FRY: variants seen among roughly 807,000 people sequenced by gnomAD.
The protein encoded by FRY is protein furry homolog.
A neutral mutation model predicts 348.4 loss-of-function variants in FRY; 128 were observed. The observed-to-expected ratio is 0.37, with a 90% confidence interval of 0.32 to 0.43. FRY has a LOEUF of 0.43. Among genes scored for constraint, FRY ranks in the 20% least tolerant of loss-of-function variants. The probability of loss-of-function intolerance (pLI) is 1.00; values close to 1 mark genes in which losing one functional copy is unlikely to be tolerated. For missense variants in FRY, 2,736 were observed against 3,695.2 expected, an observed-to-expected ratio of 0.74 and a Z score of 6.73; for synonymous variants, 1,370 against 1,374.7, an observed-to-expected ratio of 1.00 and a Z score of 0.08.
In FRY at chr13:32,239,753, CAT is replaced by C. The variant is rs1163228820; in HGVS notation, c.6560_6561del (p.His2187ArgfsTer6). ...GAACCCCAAACTTTCAAATCTTGCA[CAT>C]GTCATGACTCTTTATAAAACGCACA... The part of the protein sequence containing the change: ...EKNPKLSNLA[H>X]VMTLYKTHSY... On this transcript the variant is annotated frameshift_variant, in exon 46 of 61. Coordinates refer to ENST00000542859, the MANE Select transcript of FRY (RefSeq NM_023037.3). LOFTEE classifies it high-confidence loss of function. The surrounding 1 kb of genome is among the most constrained non-coding windows in gnomAD (Gnocchi z 4.3). 3.7e-6 allele frequency: 6 copies of C among 1,613,824 alleles called. No homozygotes were observed. Among genetic ancestry groups the C allele is most frequent in the South Asian group, 1.1e-5 (1 of 91,066 alleles).
At chr13:32,166,199 C>T (rs1881725731) in intron 17 of FRY, among the ~76,000 whole-genome samples, 2 of 152,210 alleles carry the variant, frequency 1.3e-5, no homozygotes, top group African/African-American at 4.8e-5. Context: ...CTTAGTTCCC[C>T]AAGCTAGCCA....
At position 32,155,788 on chromosome 13, in the gene FRY, A is replaced by G. The variant is rs185033478; in HGVS notation, c.1651+126A>G. 9.3e-6 allele frequency: 6 copies of G among 647,114 alleles called. No individual in the cohort carries two copies. The African/African-American group carries it at 1.1e-4, about 12-fold the overall frequency. 40.1% of individuals were successfully genotyped at this position (647,114 alleles called of 1,614,324 possible). On this transcript the variant is annotated intron_variant, in intron 15 of 60. Transcript: ENST00000542859. Reference sequence around the variant, plus strand: ...GAAGTAGATGATAAGACATTCCAACATTAATTGTTTTGATTGATTCATGCT... The same window carrying G: ...GAAGTAGATGATAAGACATTCCAACGTTAATTGTTTTGATTGATTCATGCT...
At chr13:32,144,919 A>G (rs1880306255) in intron 11 of FRY, among the ~76,000 whole-genome samples, 1 of 152,188 alleles carries the variant, frequency 6.6e-6, no homozygotes, top group Non-Finnish European at 1.5e-5. Context: ...TCAGGAGGAA[A>G]TAATTAGTTT....
intron 1 of FRY, among the ~76,000 whole-genome samples, chr13:32,069,186 A>G (rs926392536): frequency 1.3e-5 from 2 of 152,102 alleles, no homozygotes; most frequent in African/African-American, 2.4e-5. Flanking sequence ...AAGTGCTGGG[A>G]TTACAGGCAT....
intron 11 of FRY, among the ~76,000 whole-genome samples, chr13:32,144,481 G>A (rs1210467887): frequency 1.3e-5 from 2 of 151,382 alleles, no homozygotes; most frequent in Non-Finnish European, 2.9e-5. Context: ...AGGAAATGTA[G>A]AACAGACCTA....
At chr13:32,139,178 CT>C (rs1879902745) in intron 11 of FRY, among the ~76,000 whole-genome samples, 1 of 152,190 alleles carries the variant, frequency 6.6e-6, no homozygotes, top group Non-Finnish European at 1.5e-5. Flanking sequence ...TTCCAAACCT[CT>C]TGAGTCCTTA....
At chr13:32,110,039 T>C (rs941584797) in intron 3 of FRY, among the ~76,000 whole-genome samples, 3 of 152,178 alleles carry the variant, frequency 2.0e-5, no homozygotes, top group Admixed American at 2.0e-4. Flanking sequence ...AACTGGAGGT[T>C]AGCAGCTAGG....
chr13:32,273,310 C>T (rs973066211), intron 55 of FRY, among the ~76,000 whole-genome samples: 25 of 151,526 alleles, frequency 1.6e-4, no homozygotes, highest in African/African-American at 5.8e-4. Flanking sequence ...CAGGCTCCGC[C>T]CCCTGGGGTT....
chr13:32,222,361 G>A (rs1050521367), intron 36 of FRY, among the ~76,000 whole-genome samples: 56 of 152,106 alleles, frequency 3.7e-4, no homozygotes, highest in African/African-American at 1.4e-3. Flanking sequence ...GTGGAGAGCC[G>A]CTGGAGGGTG....
intron 21 of FRY, 108 bp from the exon 22 acceptor site, chr13:32,178,736 C>A: frequency 1.2e-6 from 1 of 802,782 alleles, no homozygotes; most frequent in South Asian, 1.4e-5. Flanking sequence ...CATTCTTAAT[C>A]GACAGTTGTT....
chr13:32,071,792 C>T (rs117012463), intron 1 of FRY, among the ~76,000 whole-genome samples: 1 of 151,970 alleles, frequency 6.6e-6, no homozygotes, highest in Non-Finnish European at 1.5e-5. Context: ...TGAATAAGCT[C>T]TAGTGATCTG....
chr13:32,295,675 C>T lies in FRY; in HGVS notation c.*215C>T. 2 of 596,148 alleles carry T rather than the reference C, an allele frequency of 3.4e-6. No homozygotes were observed. Among genetic ancestry groups the T allele is most frequent in the Non-Finnish European group, 3.0e-6 (1 of 333,938 alleles). The allele number at this position is 596,148 out of a possible 1,614,324, so 36.9% of individuals were successfully genotyped here. On this transcript the variant is annotated 3_prime_UTR_variant, in exon 61 of 61. Coordinates refer to ENST00000542859, the MANE Select transcript of FRY (RefSeq NM_023037.3). ...TAGAACGTCCTGGACAGACTCCACT[C>T]ATCATGCTGTGTGGCACAAATGTGT... is the stretch of plus-strand genomic sequence containing the variant.
In FRY at chr13:32,289,539, TAA is replaced by T. The variant is rs890004129; in HGVS notation, c.8470-86_8470-85del. The T allele has an allele frequency of 1.2e-5, 9 of 753,698 alleles. No homozygotes were observed. In the African/African-American group the frequency reaches 1.6e-4, roughly 13 times the overall value. The allele number at this position is 753,698 out of a possible 1,614,324, so 46.7% of individuals were successfully genotyped here. On this transcript the variant is annotated intron_variant, in intron 58 of 60. Coordinates refer to ENST00000542859, the MANE Select transcript of FRY (RefSeq NM_023037.3). The stretch of plus-strand genomic sequence containing the variant: ...AACAGCTGGTTATGTTTTCTTAATT[TAA>T]AAAAAAAGTTTGTCTCCATTGAGAT...
chr13:32,183,798 A>C (rs78281133), intron 24 of FRY, among the ~76,000 whole-genome samples: 3 of 121,974 alleles, frequency 2.5e-5, no homozygotes, highest in Non-Finnish European at 5.3e-5. Context: ...AAAAAAAAAA[A>C]CCTAGAAAAG....
At chr13:32,128,689 A>G (rs1213432582) in intron 7 of FRY, among the ~76,000 whole-genome samples, 1 of 152,204 alleles carries the variant, frequency 6.6e-6, no homozygotes, top group South Asian at 2.1e-4. Flanking sequence ...TTCACTGCCT[A>G]ATTCACTGGA....
chr13:32,251,766 C>T, intron 49 of FRY, 112 bp from the exon 50 acceptor site: 4 of 748,964 alleles, frequency 5.3e-6, no homozygotes, highest in South Asian at 4.3e-5. Context: ...TTTTACATTT[C>T]ATTCTGTCTA....
rs78041233 is a variant in FRY, at chr13:32,116,383, T to C, written c.325-951T>C. Among the ~76,000 whole-genome samples the C allele has an allele frequency of 9.0e-3, 1,369 of 152,330 alleles. 9 individuals are homozygous for C. The highest frequency in any genetic ancestry group is 0.031 in the African/African-American group (1,307 of 41,564). On this transcript the variant is annotated intron_variant, in intron 3 of 60. Transcript: ENST00000542859. ...CTGGAGACAAGGCCTTAGTCAGACA[T>C]GTGTTTCGCAAATATTTTCTCCCAC...
In FRY at chr13:32,171,259, A is replaced by G. The variant is rs150360445; in HGVS notation, c.2140A>G (p.Arg714Gly). 823 of 1,611,188 alleles carry G rather than the reference A, an allele frequency of 5.1e-4. 11 individuals carry two copies. In the African/African-American group the frequency reaches 9.9e-3, roughly 19 times the overall value. The change falls in exon 18 of 61, where the codon AGA becomes GGA. Residue 714 changes from arginine (R) to glycine (G), a missense_variant. Arg to Gly is a moderately radical substitution (Grantham distance 125). Transcript: ENST00000542859. ...GKVYEQANKIRNSELIANGSS... is the reference protein window; with the variant it reads ...GKVYEQANKIGNSELIANGSS... Reference sequence around the variant, plus strand: ...AGTCTATGAACAAGCCAACAAAATCAGAAATTCAGAGGTGATTTTCACACC... The same window carrying G: ...AGTCTATGAACAAGCCAACAAAATCGGAAATTCAGAGGTGATTTTCACACC...
At chr13:32,240,180 C>T (rs898686707) in intron 46 of FRY, among the ~76,000 whole-genome samples, 8 of 152,208 alleles carry the variant, frequency 5.3e-5, no homozygotes, top group Non-Finnish European at 1.0e-4. Flanking sequence ...TAAAATCTCA[C>T]AACAGCACAG....
Sources: allele counts gnomAD v4.1 joint callset (sites outside exome capture counted in the v4.1 genomes callset), GRCh38; gene constraint gnomAD v4.1.1; non-coding constraint Gnocchi (gnomAD v3.1); transcripts MANE v1.5; gene names NCBI Gene and HGNC (gene_info 2026-07-23, HGNC 2026-07-21).